Variants in SLC9A9 observed in about 807,000 individuals in gnomAD.
The protein encoded by SLC9A9 is solute carrier family 9 member A9, also known as sodium/hydrogen exchanger 9.
SLC9A9 carries 62 observed loss-of-function variants against 77.8 expected under a neutral mutation model. That is an observed-to-expected ratio of 0.80 (90% confidence interval 0.65 to 0.98). The LOEUF is 0.98. Ranked by LOEUF, SLC9A9 falls within the 50% of genes least tolerant of loss-of-function variation. SLC9A9 has a pLI of 0.00. For missense variants in SLC9A9, 775 were observed against 774.9 expected (o/e 1.00, Z 0.00); for synonymous variants, 320 against 283.5 (o/e 1.13, Z -1.29).
intron 4 of SLC9A9, among the ~76,000 whole-genome samples, chr3:143,726,585 C>G (rs1934661832): frequency 6.6e-6 from 1 of 152,126 alleles, no homozygotes; most frequent in South Asian, 2.1e-4. Context: ...CAGTATGTGA[C>G]ACATCCCTTC....
chr3:143,667,983 G>T (rs966056354), intron 5 of SLC9A9, among the ~76,000 whole-genome samples: 2 of 152,088 alleles, frequency 1.3e-5, no homozygotes, highest in African/African-American at 2.4e-5. Context: ...CCATTACTGG[G>T]TATATACCCA....
At chr3:143,620,374 T>C (rs558511378) in intron 6 of SLC9A9, among the ~76,000 whole-genome samples, 2 of 152,208 alleles carry the variant, frequency 1.3e-5, no homozygotes, top group South Asian at 4.1e-4. Context: ...TTATCAGTAC[T>C]AACACATAGT....
rs2010617 is a variant in SLC9A9, at chr3:143,498,516, T to C, written c.1090-3068A>G. 4.5e-3 allele frequency among the ~76,000 whole-genome samples: 682 copies of C among 151,348 alleles called. 11 individuals carry two copies. Among genetic ancestry groups the C allele is most frequent in the Admixed American group, 0.03 (448 of 15,180 alleles). On this transcript the variant is annotated intron_variant, in intron 9 of 15. Coordinates refer to ENST00000316549, the MANE Select transcript of SLC9A9 (RefSeq NM_173653.4). ...CTGCAGTGAGCCGAGATCACACCAC[T>C]GCACTCCAGCCTGGGCAACAGAGTG...
chr3:143,689,087 A>C (rs1287784848), intron 5 of SLC9A9, among the ~76,000 whole-genome samples: 1 of 151,950 alleles, frequency 6.6e-6, no homozygotes, highest in Non-Finnish European at 1.5e-5. Context: ...ATATGGATAA[A>C]CCCCCCAAGT....
intron 2 of SLC9A9, among the ~76,000 whole-genome samples, 168 bp downstream of exon 2, chr3:143,831,851 G>A (rs2009442963): frequency 1.3e-5 from 2 of 152,164 alleles, no homozygotes; most frequent in Middle Eastern, 3.4e-3. Flanking sequence ...TGTAATAAGG[G>A]TATAACTCAG....
intron 14 of SLC9A9, among the ~76,000 whole-genome samples, chr3:143,338,552 A>C (rs956769719): frequency 5.3e-5 from 8 of 152,208 alleles, no homozygotes; most frequent in African/African-American, 1.7e-4. Flanking sequence ...TTGGGACATA[A>C]ATACATATAC....
intron 8 of SLC9A9, among the ~76,000 whole-genome samples, chr3:143,566,046 C>G (rs2037162079): frequency 1.3e-5 from 2 of 152,038 alleles, no homozygotes; most frequent in South Asian, 4.2e-4. Flanking sequence ...AATTTTTGCC[C>G]AAGTGAGAAA....
chr3:143,665,960 A>C (rs1464234116), intron 5 of SLC9A9, among the ~76,000 whole-genome samples: 1 of 152,204 alleles, frequency 6.6e-6, no homozygotes, highest in Admixed American at 6.5e-5. Flanking sequence ...AAAAAGACGG[A>C]ATCCTTCCTA....
intron 9 of SLC9A9, among the ~76,000 whole-genome samples, chr3:143,531,216 C>T (rs185003725): frequency 3.9e-5 from 6 of 152,310 alleles, no homozygotes; most frequent in African/African-American, 7.2e-5. Flanking sequence ...CTCATGCCTC[C>T]GCTTGAGCAT....
chr3:143,517,021 TTTA>T (rs1184546791), intron 9 of SLC9A9: 3 of 724,340 alleles, frequency 4.1e-6, no homozygotes, highest in Non-Finnish European at 7.0e-6. Context: ...GCAATTTCTG[TTTA>T]TTGAGTAATT....
intron 4 of SLC9A9, among the ~76,000 whole-genome samples, chr3:143,733,359 GT>G (rs1423638608): frequency 1.3e-5 from 2 of 152,140 alleles, no homozygotes; most frequent in Non-Finnish European, 1.5e-5. Flanking sequence ...AGAAATGGGG[GT>G]AGGAGGAGGG....
chr3:143,673,632 TTAA>T (rs1397829735), intron 5 of SLC9A9, among the ~76,000 whole-genome samples: 1 of 151,742 alleles, frequency 6.6e-6, no homozygotes, highest in East Asian at 1.9e-4. Flanking sequence ...ATATTGTTAA[TTAA>T]TAATATTAAT....
At chr3:143,572,943 T>C (rs1344440157) in intron 8 of SLC9A9, among the ~76,000 whole-genome samples, 3 of 152,170 alleles carry the variant, frequency 2.0e-5, no homozygotes, top group Non-Finnish European at 2.9e-5. Context: ...AGAGGTCCGC[T>C]TGATGTTTCA....
At chr3:143,725,583 G>T (rs909949888) in intron 4 of SLC9A9, among the ~76,000 whole-genome samples, 1 of 142,716 alleles carries the variant, frequency 7.0e-6, no homozygotes, top group Non-Finnish European at 1.5e-5. Flanking sequence ...CATGTCCTTT[G>T]TAGGGACATG....
At chr3:143,643,639 A>G (rs1225856156) in intron 6 of SLC9A9, among the ~76,000 whole-genome samples, 1 of 152,140 alleles carries the variant, frequency 6.6e-6, no homozygotes, top group Non-Finnish European at 1.5e-5. Flanking sequence ...TCAACTCTAC[A>G]TTTAGTAATG....
intron 4 of SLC9A9, among the ~76,000 whole-genome samples, chr3:143,750,916 G>A (rs2006692503): frequency 6.6e-6 from 1 of 152,082 alleles, no homozygotes; most frequent in African/African-American, 2.4e-5. Flanking sequence ...TGGGGCAGTA[G>A]ATTTCCTTTA....
At chr3:143,488,623 C>T (rs1413837832) in intron 11 of SLC9A9, among the ~76,000 whole-genome samples, 2 of 151,854 alleles carry the variant, frequency 1.3e-5, no homozygotes, top group East Asian at 3.9e-4. Context: ...TAATACACGA[C>T]ATTAACAGCA....
At chr3:143,438,389 G>A (rs1007190781) in intron 12 of SLC9A9, among the ~76,000 whole-genome samples, 8 of 152,204 alleles carry the variant, frequency 5.3e-5, no homozygotes, top group African/African-American at 1.7e-4. Flanking sequence ...TTAAGGAACA[G>A]TGTGGAGACA....
intron 1 of SLC9A9, among the ~76,000 whole-genome samples, chr3:143,833,062 T>C (rs548750724): frequency 2.8e-4 from 43 of 152,304 alleles, no homozygotes; most frequent in Admixed American, 1.8e-3. Flanking sequence ...AAGATGCTCA[T>C]GGCAATCTGA....
Sources: allele counts gnomAD v4.1 joint callset (sites outside exome capture counted in the v4.1 genomes callset), GRCh38; gene constraint gnomAD v4.1.1; transcripts MANE v1.5; gene names NCBI Gene and HGNC (gene_info 2026-07-23, HGNC 2026-07-21).